Variants in ZNF525 observed in about 807,000 individuals in gnomAD.
The protein encoded by ZNF525 is zinc finger protein 525.
In ZNF525, 33 loss-of-function variants were observed where a neutral mutation model predicts 37.6. The ratio of observed to expected loss-of-function variants is 0.88; its 90% CI spans 0.67 to 1.17. The LOEUF (loss-of-function observed/expected upper bound fraction) is 1.17, where lower values mean the gene tolerates loss of function less well. Ranked by LOEUF, ZNF525 falls within the 50% of genes most tolerant of loss-of-function variation. The probability of loss-of-function intolerance (pLI) is 0.00; values close to 1 mark genes in which losing one functional copy is unlikely to be tolerated. For missense variants in ZNF525, 449 were observed against 543.1 expected (o/e 0.83, Z 1.72); for synonymous variants, 170 against 182.3 (o/e 0.93, Z 0.54).
At chr19:53,367,621 C>T (rs2085457722) in intron 1 of ZNF525, among the ~76,000 whole-genome samples, 1 of 152,196 alleles carries the variant, frequency 6.6e-6, no homozygotes. Context: ...AAACCAGCCT[C>T]TAAAGAGGGA....
In ZNF525 at chr19:53,381,228, T is replaced by C. The variant is rs977333151; in HGVS notation, c.649T>C (p.Cys217Arg). The change falls in exon 4 of 4, where the codon TGT (cysteine) becomes CGT (arginine). Residue 217 changes from cysteine (C) to arginine (R), a missense_variant. Cys to Arg is a radical substitution (Grantham distance 180). Transcript: ENST00000474037. ...ACGCATGAGAGAAAAATCTTTCCAA[T>C]GTATTGAGAGTGGCAAAGCCTTTAA... ...EVRMREKSFQ[C>R]IESGKAFNYS... is the part of the protein sequence containing the mutation. 3.0e-6 allele frequency: 4 copies of C among 1,349,850 alleles called. No homozygotes were observed. Among genetic ancestry groups the C allele is most frequent in the East Asian group, 4.6e-5 (2 of 43,656 alleles). The allele number at this position is 1,349,850 out of a possible 1,614,324, so 83.6% of individuals were successfully genotyped here.
rs2085581042 is a variant in ZNF525 at position 53,383,282 on chromosome 19, G to A, written c.*1263G>A. The stretch of plus-strand genomic sequence containing the variant: ...AACCTTCCATCACAATTCAGTCCTT[G>A]TAATTCATAAAACAATTCATACTGG... On this transcript the variant is annotated 3_prime_UTR_variant, in exon 4 of 4. Transcript: ENST00000474037. 7.0e-7 allele frequency: 1 copy of A among 1,419,040 alleles called. No individual in the cohort carries two copies. The highest frequency in any genetic ancestry group is 1.5e-5 in the African/African-American group (1 of 68,136). 87.9% of individuals were successfully genotyped at this position (1,419,040 alleles called of 1,614,324 possible). A position where few individuals can be genotyped will look rare whatever the true frequency, so the allele number is the denominator to read the frequency against.
rs1252640228 is a variant in ZNF525, at chr19:53,382,479, T to C, written c.*460T>C. The C allele has an allele frequency of 5.1e-5, 36 of 699,342 alleles. No homozygotes were observed. The highest frequency in any genetic ancestry group is 1.3e-5 in the Non-Finnish European group (5 of 380,308). The allele number at this position is 699,342 out of a possible 1,614,324, so 43.3% of individuals were successfully genotyped here. A position where few individuals can be genotyped will look rare whatever the true frequency, so the allele number is the denominator to read the frequency against. ...TCATAGACTTCATACTGGAAATAAATCTTATAAGTGTAATGAGTGTGGCAA... is the reference window on the plus strand; with the variant it reads ...TCATAGACTTCATACTGGAAATAAACCTTATAAGTGTAATGAGTGTGGCAA... On this transcript the variant is annotated 3_prime_UTR_variant, in exon 4 of 4. Transcript: ENST00000474037.
intron 2 of ZNF525, among the ~76,000 whole-genome samples, chr19:53,373,688 G>A (rs1486312578): frequency 3.3e-5 from 5 of 151,774 alleles, no homozygotes; most frequent in South Asian, 2.1e-4. Context: ...CAGGCATGGT[G>A]GCGCATGCCT....
chr19:53,377,581 G>A lies in ZNF525; in HGVS notation c.142+1685G>A, dbSNP rs148561988. On this transcript the variant is annotated intron_variant, in intron 3 of 3. Transcript: ENST00000474037. ...CTTTTTTTTTTTTTTTTGAGATGGA[G>A]TCTCGGTCTGTCACTCAGGCTGGAG... Among the ~76,000 whole-genome samples the A allele has an allele frequency of 4.9e-5, 7 of 143,048 alleles. No individual in the cohort carries two copies. In the South Asian group the frequency reaches 1.3e-3, roughly 28 times the overall value. The allele number at this position is 143,048 out of a possible 152,430, so 93.8% of individuals were successfully genotyped here.
At position 53,384,325 on chromosome 19, in the gene ZNF525, G is replaced by T. The variant is rs527824461; in HGVS notation, c.*2306G>T. On this transcript the variant is annotated 3_prime_UTR_variant, in exon 4 of 4. Transcript: ENST00000474037. ...AGACCTGAGCCACTTTTCCCAGCCT[G>T]TTTTTTGTTTCTTTAACAAAAACTG... The T allele has an allele frequency of 2.9e-5, 5 of 170,938 alleles. No individual in the cohort carries two copies. Among genetic ancestry groups the T allele is most frequent in the African/African-American group, 9.6e-5 (4 of 41,664 alleles). The allele number at this position is 170,938 out of a possible 1,614,324, so 10.6% of individuals were successfully genotyped here.
chr19:53,367,217 A>T (rs992496746), intron 1 of ZNF525, among the ~76,000 whole-genome samples: 1 of 152,234 alleles, frequency 6.6e-6, no homozygotes, highest in South Asian at 2.1e-4. Flanking sequence ...ACAGCGTCTC[A>T]TAACTGTTCT....
In ZNF525 at chr19:53,381,526, G is replaced by A; in HGVS notation, c.947G>A (p.Arg316Lys). 7.9e-7 allele frequency: 1 copy of A among 1,259,544 alleles called. No homozygotes were observed. The highest frequency in any genetic ancestry group is 1.2e-5 in the South Asian group (1 of 83,762). 78.0% of individuals were successfully genotyped at this position (1,259,544 alleles called of 1,614,324 possible). Residue 316 changes from arginine (R) to lysine (K), a missense_variant, in exon 4 of 4, where the codon AGA becomes AAA. By Grantham distance (26) the Arg-to-Lys change is conservative. Around this residue, in one of 2 missense-constraint regions of ZNF525, gnomAD observed 178 missense variants for 161.5 expected, o/e 1.10. Transcript: ENST00000474037. ...KAFRHNSALQ[R>K]HRRIHTGEKP... ...TTCAGACACAATTCAGCCCTTCAAA[G>A]ACATAGGAGAATTCATACTGGAGAG...
chr19:53,367,070 A>G (rs1194549431), intron 1 of ZNF525, among the ~76,000 whole-genome samples: 2 of 152,286 alleles, frequency 1.3e-5, no homozygotes, highest in East Asian at 1.9e-4. Flanking sequence ...GTGTCCTTCC[A>G]TAGCTGGTGG....
In ZNF525 at chr19:53,381,237, A is replaced by G. The variant is rs1483113063; in HGVS notation, c.658A>G (p.Ser220Gly). ...AGAAAAATCTTTCCAATGTATTGAG[A>G]GTGGCAAAGCCTTTAATTATAGCTC... is the stretch of plus-strand genomic sequence containing the variant. ...MREKSFQCIE[S>G]GKAFNYSSLL... is the part of the protein sequence containing the mutation. Residue 220 changes from serine to glycine, a missense_variant, in exon 4 of 4, where the codon AGT becomes GGT. Ser to Gly is a moderately conservative substitution (Grantham distance 56). Transcript: ENST00000474037. 1 of 1,354,094 alleles carries G rather than the reference A, an allele frequency of 7.4e-7. No individual in the cohort carries two copies. 83.9% of individuals were successfully genotyped at this position (1,354,094 alleles called of 1,614,324 possible). A position where few individuals can be genotyped will look rare whatever the true frequency, so the allele number is the denominator to read the frequency against.
chr19:53,375,171 T>A (rs1038590651), intron 2 of ZNF525, among the ~76,000 whole-genome samples: 3 of 152,146 alleles, frequency 2.0e-5, no homozygotes, highest in Non-Finnish European at 4.4e-5. Flanking sequence ...ATAACAGGCA[T>A]GTGCCACCGT....
At position 53,375,850 on chromosome 19, in the gene ZNF525, A is replaced by C; in HGVS notation, c.96A>C (p.Leu32=). ...WKCLDPAQRT[L]YRDVMLENYR... is the part of the protein sequence containing the mutation. ...GCCTGGACCCTGCTCAGAGGACTCT[A>C]TACAGGGACGTGATGCTGGAGAATT... Residue 32 remains leucine, a synonymous_variant, in exon 3 of 4, where the codon CTA becomes CTC. Transcript: ENST00000474037. The C allele has an allele frequency of 6.2e-7, 1 of 1,613,936 alleles. No homozygotes were observed. Among genetic ancestry groups the C allele is most frequent in the Non-Finnish European group, 8.5e-7 (1 of 1,179,932 alleles).
intron 1 of ZNF525, among the ~76,000 whole-genome samples, chr19:53,366,883 GAC>G (rs1180340748): frequency 6.6e-6 from 1 of 152,080 alleles, no homozygotes; most frequent in Non-Finnish European, 1.5e-5. Context: ...GGACTAGAGA[GAC>G]TGATATGGGG....
intron 1 of ZNF525, among the ~76,000 whole-genome samples, chr19:53,370,158 C>T (rs963205616): frequency 1.3e-5 from 2 of 151,050 alleles, no homozygotes; most frequent in African/African-American, 4.9e-5. Context: ...CGGTGGCCCA[C>T]GCCTGTAATC....
In ZNF525 at chr19:53,383,898, A is replaced by G; in HGVS notation, c.*1879A>G. The G allele has an allele frequency of 1.6e-6, 1 of 640,378 alleles. No homozygotes were observed. The highest frequency in any genetic ancestry group is 2.9e-6 in the Non-Finnish European group (1 of 347,042). The allele number at this position is 640,378 out of a possible 1,614,324, so 39.7% of individuals were successfully genotyped here. A position where few individuals can be genotyped will look rare whatever the true frequency, so the allele number is the denominator to read the frequency against. ...AGAATTCATACAGGAGAGAAACCTC[A>G]CAAGTGTGATGATCGTGGCAAAGCC... On this transcript the variant is annotated 3_prime_UTR_variant, in exon 4 of 4. Transcript: ENST00000474037.
At chr19:53,373,935 C>T (rs954130332) in intron 2 of ZNF525, among the ~76,000 whole-genome samples, 2 of 152,068 alleles carry the variant, frequency 1.3e-5, no homozygotes, top group Non-Finnish European at 1.5e-5. Context: ...CAAATTATTT[C>T]ATCACTCTGG....
At chr19:53,374,196 T>C (rs8101537) in intron 2 of ZNF525, among the ~76,000 whole-genome samples, 63,007 of 150,840 alleles carry the variant, frequency 0.42, 15,008 homozygotes, top group Admixed American at 0.55. Flanking sequence ...AATAGTTATT[T>C]TTTCTGCTCC....
Position 53,383,083 on chromosome 19 carries a change from T to C in ZNF525, c.*1064T>C. 7.2e-7 allele frequency: 1 copy of C among 1,396,064 alleles called. No homozygotes were observed. Among genetic ancestry groups the C allele is most frequent in the Non-Finnish European group, 1.0e-6 (1 of 995,174 alleles). The allele number at this position is 1,396,064 out of a possible 1,614,324, so 86.5% of individuals were successfully genotyped here. A position where few individuals can be genotyped will look rare whatever the true frequency, so the allele number is the denominator to read the frequency against. Reference sequence around the variant, plus strand: ...AGAACGCTTGCAAGTGTAATAAATGTGGCGAGGTTTTTAATCAACAAGCAC... The same window carrying C: ...AGAACGCTTGCAAGTGTAATAAATGCGGCGAGGTTTTTAATCAACAAGCAC... On this transcript the variant is annotated 3_prime_UTR_variant, in exon 4 of 4. Transcript: ENST00000474037.
Position 53,384,098 on chromosome 19 carries a change from A to T in ZNF525, c.*2079A>T. The stretch of plus-strand genomic sequence containing the variant: ...CAATGAATATAGCAAACCATCAAGC[A>T]TTGATTGACATTAGAGTCAGTTCAG... On this transcript the variant is annotated 3_prime_UTR_variant, in exon 4 of 4. Coordinates refer to ENST00000474037, the MANE Select transcript of ZNF525 (RefSeq NM_001348156.2). 1 of 459,470 alleles carries T rather than the reference A, an allele frequency of 2.2e-6. No homozygotes were observed. Among genetic ancestry groups the T allele is most frequent in the South Asian group, 1.8e-5 (1 of 55,204 alleles). The allele number at this position is 459,470 out of a possible 1,614,324, so 28.5% of individuals were successfully genotyped here.
Sources: allele counts gnomAD v4.1 joint callset (sites outside exome capture counted in the v4.1 genomes callset), GRCh38; gene constraint gnomAD v4.1.1; regional missense constraint gnomAD v4.1.1; transcripts MANE v1.5; gene names NCBI Gene and HGNC (gene_info 2026-07-23, HGNC 2026-07-21).